FREM1: variants seen among roughly 807,000 people sequenced by gnomAD.
The protein encoded by FREM1 is FRAS1-related extracellular matrix protein 1.
A neutral mutation model predicts 210.1 loss-of-function variants in FREM1; 220 were observed. The ratio of observed to expected loss-of-function variants is 1.05; its 90% CI spans 0.94 to 1.17. The LOEUF (loss-of-function observed/expected upper bound fraction) is 1.17, where lower values mean the gene tolerates loss of function less well. Ranked by LOEUF, FREM1 falls within the 50% of genes most tolerant of loss-of-function variation. The pLI is 0.00. For missense variants in FREM1, 3,454 were observed against 2,675.5 expected, an observed-to-expected ratio of 1.29 and a Z score of -6.42; for synonymous variants, 1,189 against 980.2, an observed-to-expected ratio of 1.21 and a Z score of -3.98.
chr9:14,750,413 G>A lies in FREM1; in HGVS notation c.5408-137C>T, dbSNP rs574666575. The A allele has an allele frequency of 1.9e-4, 115 of 608,108 alleles. No individual in the cohort carries two copies. The South Asian group carries it at 2.3e-3, about 12-fold the overall frequency. 37.7% of individuals were successfully genotyped at this position (608,108 alleles called of 1,614,324 possible). A position where few individuals can be genotyped will look rare whatever the true frequency, so the allele number is the denominator to read the frequency against. ...GCTATTGTACTGCTACCAACTCACT[G>A]AAGTCCTGCTGTTCTCCCAAATAAT... On this transcript the variant is annotated intron_variant, in intron 29 of 36. Transcript: ENST00000380880.
chr9:14,842,276 G>A, intron 9 of FREM1, 40 bp downstream of exon 9: 2 of 1,280,726 alleles, frequency 1.6e-6, no homozygotes, highest in East Asian at 2.3e-5. Flanking sequence ...CTATGGAAGA[G>A]TGAATTCCAT....
chr9:14,801,945 A>C, intron 19 of FREM1, 71 bp from the exon 20 acceptor site: 1 of 1,146,502 alleles, frequency 8.7e-7, no homozygotes, highest in Non-Finnish European at 1.3e-6. Context: ...AAAACTGCTT[A>C]AAGAAATCAC....
In FREM1 at chr9:14,836,622, T is replaced by C. The variant is rs1352926326; in HGVS notation, c.1881+4825A>G. 6.6e-6 allele frequency among the ~76,000 whole-genome samples: 1 copy of C among 152,190 alleles called. No individual in the cohort carries two copies. The highest frequency in any genetic ancestry group is 6.5e-5 in the Admixed American group (1 of 15,280). On this transcript the variant is annotated intron_variant, in intron 10 of 36. Transcript: ENST00000380880. The surrounding 1 kb of genome is among the most constrained non-coding windows in gnomAD (Gnocchi z 4.9). ...CCCTCTCTTGCTTATATGTCTTGAATTGATATTTGGACGTTGTATATTCAG... is the reference window on the plus strand; with the variant it reads ...CCCTCTCTTGCTTATATGTCTTGAACTGATATTTGGACGTTGTATATTCAG...
chr9:14,813,959 A>G (rs1230232975), intron 15 of FREM1, among the ~76,000 whole-genome samples: 2 of 152,118 alleles, frequency 1.3e-5, no homozygotes, highest in African/African-American at 4.8e-5. Context: ...TGATTCTGCT[A>G]GTATTTCTCT....
At chr9:14,794,004 C>T (rs1005126591) in intron 21 of FREM1, among the ~76,000 whole-genome samples, 7 of 152,246 alleles carry the variant, frequency 4.6e-5, no homozygotes, top group South Asian at 4.1e-4. Flanking sequence ...TTAATCAAAA[C>T]GGGAAGCCAA....
At chr9:14,892,082 C>A (rs375431011) in intron 1 of FREM1, among the ~76,000 whole-genome samples, 1 of 152,046 alleles carries the variant, frequency 6.6e-6, no homozygotes, top group Non-Finnish European at 1.5e-5. Flanking sequence ...TTTCTGAGTA[C>A]CTAAGAACTT....
chr9:14,760,840 C>T (rs1464106097), intron 27 of FREM1, among the ~76,000 whole-genome samples: 1 of 152,112 alleles, frequency 6.6e-6, no homozygotes, highest in East Asian at 1.9e-4. Context: ...AAACATTTTC[C>T]TTTTTGAGGT....
chr9:14,882,402 G>C (rs561402265), intron 1 of FREM1, among the ~76,000 whole-genome samples: 4 of 151,746 alleles, frequency 2.6e-5, no homozygotes, highest in Non-Finnish European at 5.9e-5. Flanking sequence ...TGAAAGAATA[G>C]ACTTGAATTT....
rs376916707 is a variant in FREM1, at chr9:14,748,389, C to G, written c.5796+12G>C. On this transcript the variant is annotated intron_variant, in intron 31 of 36. Transcript: ENST00000380880. ...TTTTGCACATCATTTCCCAGAAGGT[C>G]CCCATCCTTACTGTTTTGCCATTCC... 1.4e-6 allele frequency: 2 copies of G among 1,448,644 alleles called. No individual in the cohort carries two copies. The highest frequency in any genetic ancestry group is 1.9e-6 in the Non-Finnish European group (2 of 1,031,368). The allele number at this position is 1,448,644 out of a possible 1,614,324, so 89.7% of individuals were successfully genotyped here.
intron 2 of FREM1, among the ~76,000 whole-genome samples, chr9:14,866,379 G>C (rs1007254186): frequency 6.6e-6 from 1 of 152,168 alleles, no homozygotes; most frequent in Non-Finnish European, 1.5e-5. Context: ...CATCACTAAA[G>C]ATATATAATG....
chr9:14,740,162 C>T lies in FREM1; in HGVS notation c.6327G>A (p.Lys2109=), dbSNP rs1479279863. Residue 2109 remains lysine, a synonymous_variant, in exon 36 of 37, where the codon AAG becomes AAA. Coordinates refer to ENST00000380880, the MANE Select transcript of FREM1 (RefSeq NM_001379081.2). The stretch of plus-strand genomic sequence containing the variant: ...CCAGATACTTGCCTATCCAAAAGGA[C>T]TTTCTCCCACCAATGTCCCAGAGCC... The part of the protein sequence containing the change: ...MRWLWDIGGR[K]SFWIGLNDQV... The T allele has an allele frequency of 1.2e-6, 2 of 1,612,238 alleles. No individual in the cohort carries two copies. Among genetic ancestry groups the T allele is most frequent in the East Asian group, 2.2e-5 (1 of 44,836 alleles).
chr9:14,854,271 A>AT (rs1231736080), intron 5 of FREM1, among the ~76,000 whole-genome samples: 1 of 152,222 alleles, frequency 6.6e-6, no homozygotes, highest in East Asian at 1.9e-4. Flanking sequence ...GCAAGAAAGC[A>AT]TAAAACATGA....
rs192032741 is a variant in FREM1 at position 14,788,954 on chromosome 9, A to C, written c.4142T>G (p.Leu1381Arg). The change falls in exon 23 of 37, where the codon CTT becomes CGT. Residue 1381 changes from leucine (L) to arginine (R), a missense_variant. By Grantham distance (102) the Leu-to-Arg change is moderately radical. Coordinates refer to ENST00000380880, the MANE Select transcript of FREM1 (RefSeq NM_001379081.2). ...GTCCTTGATGGTGATTTGACAGTCA[A>C]GAGCAGGGGACCTGTTGTTGCCATC... is the stretch of plus-strand genomic sequence containing the variant. ...LWDGNNRSPALDCQITIKDME... is the reference protein window; with the variant it reads ...LWDGNNRSPARDCQITIKDME... 1 of 1,613,148 alleles carries C rather than the reference A, an allele frequency of 6.2e-7. No individual in the cohort carries two copies. The highest frequency in any genetic ancestry group is 1.7e-5 in the Admixed American group (1 of 59,918).
chr9:14,796,407 T>C (rs1852399305), intron 21 of FREM1, among the ~76,000 whole-genome samples: 2 of 152,244 alleles, frequency 1.3e-5, no homozygotes, highest in South Asian at 2.1e-4. Context: ...TTCAGTTCTG[T>C]AGACTGTGTA....
At chr9:14,852,466 T>A (rs935502378) in intron 5 of FREM1, among the ~76,000 whole-genome samples, 9 of 152,116 alleles carry the variant, frequency 5.9e-5, no homozygotes, top group African/African-American at 2.2e-4. Flanking sequence ...GGTGGGAGGA[T>A]TGCTTGATGC....
At chr9:14,876,248 G>A (rs979233240) in intron 1 of FREM1, among the ~76,000 whole-genome samples, 30 of 152,302 alleles carry the variant, frequency 2.0e-4, no homozygotes, top group African/African-American at 7.0e-4. Context: ...GGTTACTGCT[G>A]TCTTTTTGTT....
chr9:14,746,076 G>C (rs751488632), intron 35 of FREM1, among the ~76,000 whole-genome samples: 1 of 152,166 alleles, frequency 6.6e-6, no homozygotes, highest in Non-Finnish European at 1.5e-5. Flanking sequence ...CATGGCAATG[G>C]TGCAGCTTTA....
At position 14,797,604 on chromosome 9, in the gene FREM1, G is replaced by T. The variant is rs2133203140; in HGVS notation, c.3733C>A (p.Leu1245Ile). The T allele has an allele frequency of 6.2e-7, 1 of 1,611,982 alleles. No homozygotes were observed. Among genetic ancestry groups the T allele is most frequent in the East Asian group, 2.2e-5 (1 of 44,818 alleles). ...AATTGGATTGTAAAATCATCAGCAA[G>T]GCTCTCTGAGTCATCATGCATGTAC... ...LTYMHDDSES[L>I]ADDFTIQLSD... Residue 1245 changes from leucine (L) to isoleucine (I), a missense_variant, in exon 21 of 37, where the codon CTT becomes ATT. Leu to Ile is a conservative substitution (Grantham distance 5, BLOSUM62 2). Coordinates refer to ENST00000380880, the MANE Select transcript of FREM1 (RefSeq NM_001379081.2).
At chr9:14,862,124 G>A (rs1273230839) in intron 3 of FREM1, among the ~76,000 whole-genome samples, 2 of 152,144 alleles carry the variant, frequency 1.3e-5, no homozygotes, top group African/African-American at 4.8e-5. Flanking sequence ...TCTCAACACA[G>A]CATTTTGTGA....
Sources: gnomAD v4.1 joint callset for allele counts (sites outside exome capture counted in the v4.1 genomes callset) on GRCh38, gnomAD v4.1.1 for gene constraint, Gnocchi (gnomAD v3.1) non-coding constraint, MANE v1.5 for transcripts, NCBI Gene and HGNC (gene_info 2026-07-23, HGNC 2026-07-21) for gene names.